LRRC37A2: variants seen among roughly 807,000 people sequenced by gnomAD.
LRRC37A2 encodes the protein leucine rich repeat containing 37 member A2.
Under a neutral mutation model 68.8 loss-of-function variants are expected in LRRC37A2, and 9 were observed. That is an observed-to-expected ratio of 0.13 (90% CI 0.08 to 0.23). LRRC37A2 has a LOEUF of 0.23. Ranked by LOEUF, LRRC37A2 falls within the 10% of genes least tolerant of loss-of-function variation. The pLI, the probability that LRRC37A2 is intolerant of heterozygous loss-of-function variation, is 1.00. For synonymous variants in LRRC37A2, 63 were observed against 367.6 expected (o/e 0.17, Z 9.48); for missense variants, 168 against 950.4 (o/e 0.18, Z 10.82).
chr17:46,980,110 C>G, the LRRC37A2 span, among the ~76,000 whole-genome samples: 1 of 145,430 alleles, frequency 6.9e-6, no homozygotes, highest in Non-Finnish European at 1.5e-5. Context: ...CTCCCGCCCC[C>G]AACCTCCCCA....
At chr17:46,928,389 T>C in the LRRC37A2 span, among the ~76,000 whole-genome samples, 1 of 152,024 alleles carries the variant, frequency 6.6e-6, no homozygotes, top group African/African-American at 2.4e-5. Context: ...TCCTCCAGCG[T>C]TGGGGATGAT....
At chr17:47,027,738 A>G in the LRRC37A2 span, 1 of 579,282 alleles carries the variant, frequency 1.7e-6, no homozygotes, top group East Asian at 3.1e-5. Flanking sequence ...GAAAGCTACT[A>G]AAATTATACA....
chr17:46,979,453 C>T, the LRRC37A2 span, among the ~76,000 whole-genome samples: 19 of 152,340 alleles, frequency 1.2e-4, no homozygotes, highest in African/African-American at 4.6e-4. Flanking sequence ...ACTCCACCCC[C>T]TCCTGGCACC....
chr17:46,958,274 C>T, the LRRC37A2 span, among the ~76,000 whole-genome samples: 1 of 152,304 alleles, frequency 6.6e-6, no homozygotes, highest in Admixed American at 6.5e-5. Context: ...ACAAATCACA[C>T]ACCAAATAAG....
chr17:46,796,557 G>C, the LRRC37A2 span, among the ~76,000 whole-genome samples: 1 of 152,204 alleles, frequency 6.6e-6, no homozygotes, highest in Non-Finnish European at 1.5e-5. Context: ...GATCCCATCT[G>C]TATGTCCCAC....
the LRRC37A2 span, among the ~76,000 whole-genome samples, chr17:46,817,123 C>G: frequency 6.6e-6 from 1 of 152,174 alleles, no homozygotes; most frequent in Non-Finnish European, 1.5e-5. Context: ...ATGTCCCCAC[C>G]CTCTCTCCCA....
the LRRC37A2 span, among the ~76,000 whole-genome samples, chr17:46,772,104 G>A: frequency 6.6e-6 from 1 of 152,112 alleles, no homozygotes; most frequent in South Asian, 2.1e-4. Context: ...CCGGGGGCGG[G>A]GTGCAAACGT....
At chr17:46,977,003 C>A in the LRRC37A2 span, among the ~76,000 whole-genome samples, 1 of 151,966 alleles carries the variant, frequency 6.6e-6, no homozygotes, top group South Asian at 2.1e-4. Context: ...TGAATTCTCC[C>A]AGGTCTGAGA....
At chr17:46,942,945 C>T in the LRRC37A2 span, among the ~76,000 whole-genome samples, 1 of 152,178 alleles carries the variant, frequency 6.6e-6, no homozygotes, top group Non-Finnish European at 1.5e-5. Flanking sequence ...ATCCCCATGT[C>T]CCTCTAGTAC....
the LRRC37A2 span, chr17:46,940,493 A>G: frequency 0.45 from 719,829 of 1,612,464 alleles, 162,662 homozygotes; most frequent in South Asian, 0.47. Flanking sequence ...CTAGCGCAGG[A>G]CTTTTGGTAA....
chr17:46,927,582 G>T, the LRRC37A2 span, among the ~76,000 whole-genome samples: 1 of 152,166 alleles, frequency 6.6e-6, no homozygotes, highest in African/African-American at 2.4e-5. Context: ...ACCTGAGGTG[G>T]CCTTTTTCTG....
intron 6 of LRRC37A2, among the ~76,000 whole-genome samples, chr17:46,534,657 C>T (rs1472099357): frequency 6.7e-6 from 1 of 149,022 alleles, no homozygotes; most frequent in Non-Finnish European, 1.5e-5. Context: ...TCCCCCTTTT[C>T]TATTCAACAA....
the LRRC37A2 span, chr17:46,729,060 A>G: frequency 5.0e-6 from 3 of 604,890 alleles, no homozygotes; most frequent in East Asian, 8.9e-5. Flanking sequence ...AAGGATTTTG[A>G]AAGGTCGTCC....
At chr17:46,808,892 G>T in the LRRC37A2 span, among the ~76,000 whole-genome samples, 1 of 152,074 alleles carries the variant, frequency 6.6e-6, no homozygotes, top group Non-Finnish European at 1.5e-5. Flanking sequence ...TCAGGTCGAG[G>T]GGCCCATCCA....
the LRRC37A2 span, among the ~76,000 whole-genome samples, chr17:46,968,237 C>T: frequency 1.3e-5 from 2 of 152,198 alleles, no homozygotes; most frequent in African/African-American, 4.8e-5. Context: ...AGAGACCTCC[C>T]TGCTCCAACT....
the LRRC37A2 span, among the ~76,000 whole-genome samples, chr17:46,956,730 G>A: frequency 5.3e-5 from 8 of 152,216 alleles, no homozygotes; most frequent in African/African-American, 1.9e-4. Flanking sequence ...CGTGGCTCCT[G>A]TTGGATGGGA....
the LRRC37A2 span, among the ~76,000 whole-genome samples, chr17:46,505,844 CGCAGGCTGGAGT>C: frequency 1.0e-5 from 1 of 99,110 alleles, no homozygotes; most frequent in African/African-American, 4.9e-5. Flanking sequence ...TGCCCTGTCG[CGCAGGCTGGAGT>C]GCAGTGGTGT....
the LRRC37A2 span, among the ~76,000 whole-genome samples, chr17:46,853,864 G>A: frequency 2.0e-5 from 3 of 152,176 alleles, no homozygotes; most frequent in African/African-American, 7.2e-5. Context: ...GAGGAGAGGG[G>A]TTCCAGGAGG....
intron 6 of LRRC37A2, among the ~76,000 whole-genome samples, chr17:46,527,886 CAG>C: frequency 1.1e-5 from 1 of 88,600 alleles, no homozygotes; most frequent in Non-Finnish European, 2.4e-5. Context: ...AGTTGAAACT[CAG>C]AGACGCTAGG....
Sources: gnomAD v4.1 joint callset for allele counts (sites outside exome capture counted in the v4.1 genomes callset) on GRCh38, gnomAD v4.1.1 for gene constraint, MANE v1.5 for transcripts, NCBI Gene and HGNC (gene_info 2026-07-23, HGNC 2026-07-21) for gene names.